The following KCNQ3 variants were observed in gnomAD, a reference collection of about 807,000 sequenced individuals.
KCNQ3 encodes the protein potassium voltage-gated channel subfamily KQT member 3.
In KCNQ3, 30 loss-of-function variants were observed where a neutral mutation model predicts 92.5. The observed-to-expected ratio is 0.32, with a 90% confidence interval of 0.24 to 0.44. KCNQ3 has a LOEUF of 0.44. Among genes scored for constraint, KCNQ3 ranks in the 20% least tolerant of loss-of-function variants. The pLI, the probability that KCNQ3 is intolerant of heterozygous loss-of-function variation, is 1.00. For missense variants in KCNQ3, 913 were observed against 1,140.3 expected (o/e 0.80, Z 2.87); for synonymous variants, 450 against 468.8 (o/e 0.96, Z 0.52).
At position 132,480,611 on chromosome 8, in the gene KCNQ3, G is replaced by A; in HGVS notation, c.-79C>T. On this transcript the variant is annotated 5_prime_UTR_variant, in exon 1 of 15. Transcript: ENST00000388996. ...GGGGCGCTCGGGGTGCGTGAACGAGGCGGCGGCGGCGGCTGCAAGCCCGGG... is the reference window on the plus strand; with the variant it reads ...GGGGCGCTCGGGGTGCGTGAACGAGACGGCGGCGGCGGCTGCAAGCCCGGG... 8.6e-7 allele frequency: 1 copy of A among 1,168,164 alleles called. No individual in the cohort carries two copies. Among genetic ancestry groups the A allele is most frequent in the African/African-American group, 1.6e-5 (1 of 61,274 alleles). 72.4% of individuals were successfully genotyped at this position (1,168,164 alleles called of 1,614,324 possible). A position where few individuals can be genotyped will look rare whatever the true frequency, so the allele number is the denominator to read the frequency against.
Position 132,127,904 on chromosome 8 carries a change from A to G in KCNQ3, c.*1358T>C, listed in dbSNP as rs1370615979. On this transcript the variant is annotated 3_prime_UTR_variant, in exon 15 of 15. Coordinates refer to ENST00000388996, the MANE Select transcript of KCNQ3 (RefSeq NM_004519.4). ...GGTTACATATGGTTTTAGTATTTTC[A>G]TTTAAAAAATCTGGGTTGGTTCCAT... The G allele has an allele frequency of 6.6e-6, 1 of 152,184 alleles. No homozygotes were observed. The highest frequency in any genetic ancestry group is 2.4e-5 in the African/African-American group (1 of 41,432). The allele number at this position is 152,184 out of a possible 1,614,324, so 9.4% of individuals were successfully genotyped here. A position where few individuals can be genotyped will look rare whatever the true frequency, so the allele number is the denominator to read the frequency against.
chr8:132,463,670 C>T (rs1822109956), intron 1 of KCNQ3, among the ~76,000 whole-genome samples: 2 of 152,194 alleles, frequency 1.3e-5, no homozygotes, highest in Admixed American at 1.3e-4. Context: ...TTTTCTTCTA[C>T]ACTTCTATTT....
chr8:132,478,335 C>A (rs942437552), intron 1 of KCNQ3, among the ~76,000 whole-genome samples: 3 of 152,152 alleles, frequency 2.0e-5, no homozygotes, highest in African/African-American at 7.2e-5. Flanking sequence ...AAAGAGGGAG[C>A]CCACATGCTT....
At chr8:132,411,786 C>A (rs1820658431) in intron 1 of KCNQ3, among the ~76,000 whole-genome samples, 1 of 152,190 alleles carries the variant, frequency 6.6e-6, no homozygotes, top group Non-Finnish European at 1.5e-5. Context: ...AGGGACTTTT[C>A]ATTCTCTAAG....
intron 1 of KCNQ3, among the ~76,000 whole-genome samples, chr8:132,264,376 C>A (rs2130479742): frequency 6.6e-6 from 1 of 152,278 alleles, no homozygotes; most frequent in Middle Eastern, 3.4e-3. Flanking sequence ...TCAGGAGGGG[C>A]CACGTATTGG....
intron 4 of KCNQ3, among the ~76,000 whole-genome samples, chr8:132,176,283 A>G (rs1276122065): frequency 6.6e-6 from 1 of 152,224 alleles, no homozygotes; most frequent in African/African-American, 2.4e-5. Flanking sequence ...GAGTAAGGTG[A>G]TTTAATGAAA....
intron 1 of KCNQ3, among the ~76,000 whole-genome samples, chr8:132,399,769 C>T (rs1290865390): frequency 6.6e-6 from 1 of 152,194 alleles, no homozygotes; most frequent in African/African-American, 2.4e-5. Context: ...TCCCAGGTGG[C>T]CACATCTTTA....
chr8:132,186,931 T>TGAGAGAGAGA (rs1420781543), intron 1 of KCNQ3, among the ~76,000 whole-genome samples: 69 of 110,270 alleles, frequency 6.3e-4, no homozygotes, highest in African/African-American at 7.7e-4. Context: ...TGTGTGTGTG[T>TGAGAGAGAGA]GTGAGAGAGA....
At chr8:132,134,429 CTTTGT>C (rs774668079) in intron 12 of KCNQ3, 41 bp from the exon 13 acceptor site, 1 of 1,381,442 alleles carries the variant, frequency 7.2e-7, no homozygotes, top group Non-Finnish European at 1.0e-6. Flanking sequence ...TTACACAGAG[CTTTGT>C]TTTGACAGGA....
In KCNQ3 at chr8:132,290,780, A is replaced by G. The variant is rs1201492588; in HGVS notation, c.387-104599T>C. 4.6e-5 allele frequency among the ~76,000 whole-genome samples: 7 copies of G among 152,202 alleles called. 1 individual carries two copies. Among genetic ancestry groups the G allele is most frequent in the Non-Finnish European group, 1.0e-4 (7 of 68,028 alleles). The stretch of plus-strand genomic sequence containing the variant: ...GAAAGATGACATTACCTAAACAGCA[A>G]TAACAATAAGGCAAGTGGATATTCA... On this transcript the variant is annotated intron_variant, in intron 1 of 14. Coordinates refer to ENST00000388996, the MANE Select transcript of KCNQ3 (RefSeq NM_004519.4).
intron 1 of KCNQ3, among the ~76,000 whole-genome samples, chr8:132,275,921 C>T (rs1282411743): frequency 6.6e-6 from 1 of 152,182 alleles, no homozygotes; most frequent in African/African-American, 2.4e-5. Context: ...GCCTGGAGCC[C>T]TCTGTGGAAT....
Position 132,480,246 on chromosome 8 carries a change from G to A in KCNQ3, c.287C>T (p.Pro96Leu). The A allele has an allele frequency of 6.2e-7, 1 of 1,613,130 alleles. No individual in the cohort carries two copies. Among genetic ancestry groups the A allele is most frequent in the Non-Finnish European group, 8.5e-7 (1 of 1,179,464 alleles). The change falls in exon 1 of 15, where the codon CCA (proline) becomes CTA (leucine). Residue 96 changes from proline (P) to leucine (L), a missense_variant. By Grantham distance (98) the Pro-to-Leu change is moderately conservative. This residue lies in a region of KCNQ3 where 183 missense variants were observed against 167.7 expected (regional missense o/e 1.09). Coordinates refer to ENST00000388996, the MANE Select transcript of KCNQ3 (RefSeq NM_004519.4). ...GLLAKTPLSR[P>L]VKRNNAKYRR... Reference sequence around the variant, plus strand: ...GTACTTGGCGTTGTTTCTCTTGACTGGGCGGCTCAGCGGGGTCTTGGCCAG... The same window carrying A: ...GTACTTGGCGTTGTTTCTCTTGACTAGGCGGCTCAGCGGGGTCTTGGCCAG...
At chr8:132,344,215 G>A (rs374256382) in intron 1 of KCNQ3, among the ~76,000 whole-genome samples, 4 of 152,282 alleles carry the variant, frequency 2.6e-5, no homozygotes, top group East Asian at 3.9e-4. Context: ...GTATTATAGG[G>A]TCAGTACCCT....
chr8:132,243,569 T>C (rs1017667735), intron 1 of KCNQ3, among the ~76,000 whole-genome samples: 7 of 152,206 alleles, frequency 4.6e-5, no homozygotes, highest in African/African-American at 1.7e-4. Context: ...TGTATGAAGA[T>C]TATATTGGAA....
chr8:132,281,669 A>G (rs1258381767), intron 1 of KCNQ3, among the ~76,000 whole-genome samples: 2 of 151,792 alleles, frequency 1.3e-5, no homozygotes, highest in African/African-American at 2.4e-5. Context: ...GCCCCTCCAC[A>G]TTCGCTCAAC....
intron 1 of KCNQ3, among the ~76,000 whole-genome samples, chr8:132,361,494 A>G (rs768050539): frequency 5.3e-5 from 8 of 152,276 alleles, no homozygotes; most frequent in South Asian, 4.1e-4. Context: ...TGTTGTTTTA[A>G]TTATGCCTTA....
At chr8:132,261,340 C>T (rs1442191736) in intron 1 of KCNQ3, among the ~76,000 whole-genome samples, 1 of 152,170 alleles carries the variant, frequency 6.6e-6, no homozygotes, top group Non-Finnish European at 1.5e-5. Context: ...GTCAAGGCTG[C>T]GTGCCTCACC....
At chr8:132,132,914 C>T (rs1824933171) in intron 13 of KCNQ3, among the ~76,000 whole-genome samples, 1 of 152,068 alleles carries the variant, frequency 6.6e-6, no homozygotes, top group Non-Finnish European at 1.5e-5. Flanking sequence ...TGCTAGAAAC[C>T]ATTCATGCTA....
At chr8:132,462,568 ACAGT>A (rs1269647229) in intron 1 of KCNQ3, among the ~76,000 whole-genome samples, 2 of 152,238 alleles carry the variant, frequency 1.3e-5, no homozygotes, top group South Asian at 4.1e-4. Context: ...AAGAAAATCA[ACAGT>A]CAGTGAGTGG....
Sources: allele counts gnomAD v4.1 joint callset (sites outside exome capture counted in the v4.1 genomes callset), GRCh38; gene constraint gnomAD v4.1.1; regional missense constraint gnomAD v4.1.1; transcripts MANE v1.5; gene names NCBI Gene and HGNC (gene_info 2026-07-23, HGNC 2026-07-21).